The following SELENOT variants were observed in gnomAD, a reference collection of about 807,000 sequenced individuals.
SELENOT encodes selenoprotein T.
In SELENOT, 9 loss-of-function variants were observed where a neutral mutation model predicts 24.3. That is an observed-to-expected ratio of 0.37 (90% confidence interval 0.22 to 0.65). SELENOT has a LOEUF of 0.65. Among genes scored for constraint, SELENOT ranks in the 30% least tolerant of loss-of-function variants. The pLI, the probability that SELENOT is intolerant of heterozygous loss-of-function variation, is 0.60. For missense variants in SELENOT, 166 were observed against 247.6 expected (o/e 0.67, Z 2.21); for synonymous variants, 81 against 86.0 (o/e 0.94, Z 0.32).
At chr3:150,625,997 G>A (rs577469811) in intron 4 of SELENOT, among the ~76,000 whole-genome samples, 9 of 151,816 alleles carry the variant, frequency 5.9e-5, no homozygotes, top group East Asian at 3.9e-4. Context: ...AGCCTCCTGC[G>A]TAGCTGGGAC....
chr3:150,606,008 A>G (rs1725953890), intron 1 of SELENOT, among the ~76,000 whole-genome samples: 1 of 152,186 alleles, frequency 6.6e-6, no homozygotes, highest in African/African-American at 2.4e-5. Flanking sequence ...AAATAACTAT[A>G]CCTCAATATA....
intron 1 of SELENOT, chr3:150,611,630 C>T: frequency 6.4e-7 from 1 of 1,565,418 alleles, no homozygotes; most frequent in South Asian, 1.1e-5. Context: ...CGATCTTCAC[C>T]TTCTGGGATA....
intron 1 of SELENOT, among the ~76,000 whole-genome samples, chr3:150,613,486 T>C (rs76144213): frequency 0.058 from 8,820 of 152,128 alleles, 329 homozygotes; most frequent in Non-Finnish European, 0.082. Flanking sequence ...TGAAAAAAAA[T>C]ATGAGTGGAC....
chr3:150,613,296 C>T (rs1454730388), intron 1 of SELENOT, among the ~76,000 whole-genome samples: 2 of 151,956 alleles, frequency 1.3e-5, no homozygotes, highest in African/African-American at 4.8e-5. Flanking sequence ...CCCATTAGAC[C>T]CTGCCTCCCA....
At chr3:150,625,808 G>A (rs1003787699) in intron 4 of SELENOT, among the ~76,000 whole-genome samples, 10 of 150,982 alleles carry the variant, frequency 6.6e-5, no homozygotes, top group Non-Finnish European at 1.5e-4. Flanking sequence ...TCCATAAAGT[G>A]TAAAATATTT....
chr3:150,611,616 A>G, intron 1 of SELENOT: 3 of 1,519,820 alleles, frequency 2.0e-6, no homozygotes, highest in Non-Finnish European at 2.7e-6. Context: ...GCTCTTATCC[A>G]GCTCGATCTT....
At chr3:150,613,246 G>A (rs1726134629) in intron 1 of SELENOT, among the ~76,000 whole-genome samples, 2 of 152,200 alleles carry the variant, frequency 1.3e-5, no homozygotes, top group Admixed American at 6.5e-5. Context: ...GTCAAAGAGA[G>A]GGCAAGCGAA....
intron 1 of SELENOT, among the ~76,000 whole-genome samples, chr3:150,620,456 C>G (rs1726313526): frequency 6.6e-6 from 1 of 152,186 alleles, no homozygotes; most frequent in African/African-American, 2.4e-5. Flanking sequence ...GGTCCCATCC[C>G]TGGCACTCAG....
intron 4 of SELENOT, among the ~76,000 whole-genome samples, chr3:150,626,458 A>G (rs1182687361): frequency 2.6e-5 from 4 of 152,290 alleles, no homozygotes; most frequent in Middle Eastern, 6.8e-3. Context: ...GGCAGAGACT[A>G]TGTATCTTCC....
At chr3:150,617,418 TAGTG>T (rs1487331461) in intron 1 of SELENOT, among the ~76,000 whole-genome samples, 1 of 152,124 alleles carries the variant, frequency 6.6e-6, no homozygotes, top group African/African-American at 2.4e-5. Flanking sequence ...CTGGGCAACA[TAGTG>T]AGATCTCATC....
At chr3:150,619,953 G>T (rs909218002) in intron 1 of SELENOT, among the ~76,000 whole-genome samples, 1 of 152,208 alleles carries the variant, frequency 6.6e-6, no homozygotes, top group African/African-American at 2.4e-5. Flanking sequence ...AAAGTATGAT[G>T]TGGCTATCTT....
intron 1 of SELENOT, among the ~76,000 whole-genome samples, chr3:150,608,676 G>A (rs1207058804): frequency 6.6e-6 from 1 of 152,150 alleles, no homozygotes; most frequent in Admixed American, 6.5e-5. Context: ...AAATAAAGGA[G>A]TAGTAAGAAG....
At chr3:150,613,251 A>AG in intron 1 of SELENOT, among the ~76,000 whole-genome samples, 1 of 152,346 alleles carries the variant, frequency 6.6e-6, no homozygotes, top group East Asian at 1.9e-4. Context: ...AGAGAGGGCA[A>AG]GCGAAAGCAG....
At chr3:150,626,271 C>T (rs774686283) in intron 4 of SELENOT, among the ~76,000 whole-genome samples, 2 of 152,186 alleles carry the variant, frequency 1.3e-5, no homozygotes, top group Non-Finnish European at 2.9e-5. Context: ...AAGACCAGAA[C>T]ATTTAATCTG....
rs1374300136 is a variant in SELENOT, at chr3:150,603,611, A to G, written c.137+112A>G. 3.1e-6 allele frequency: 4 copies of G among 1,271,034 alleles called. No homozygotes were observed. In the African/African-American group the frequency reaches 4.6e-5, roughly 14 times the overall value. 78.7% of individuals were successfully genotyped at this position (1,271,034 alleles called of 1,614,324 possible). ...ATGGCCGCATCTTCGCTGGCCTCGT[A>G]GAACTGTGCCGGCGCCCTTCCACAG... On this transcript the variant is annotated intron_variant, in intron 1 of 5. Transcript: ENST00000471696.
Position 150,603,615 on chromosome 3 carries a change from C to T in SELENOT, c.137+116C>T, listed in dbSNP as rs1725895481. On this transcript the variant is annotated intron_variant, in intron 1 of 5. Coordinates refer to ENST00000471696, the MANE Select transcript of SELENOT (RefSeq NM_016275.5). The stretch of plus-strand genomic sequence containing the variant: ...CCGCATCTTCGCTGGCCTCGTAGAA[C>T]TGTGCCGGCGCCCTTCCACAGCCAG... 3.2e-6 allele frequency: 4 copies of T among 1,246,688 alleles called. No individual in the cohort carries two copies. The South Asian group carries it at 4.8e-5, about 15-fold the overall frequency. The allele number at this position is 1,246,688 out of a possible 1,614,324, so 77.2% of individuals were successfully genotyped here. A position where few individuals can be genotyped will look rare whatever the true frequency, so the allele number is the denominator to read the frequency against.
intron 1 of SELENOT, among the ~76,000 whole-genome samples, chr3:150,614,992 T>C (rs1726179060): frequency 6.8e-6 from 1 of 147,466 alleles, no homozygotes; most frequent in South Asian, 2.2e-4. Flanking sequence ...ATTAGGTATA[T>C]CTCCCAATGC....
chr3:150,606,292 A>C (rs1006906837), intron 1 of SELENOT, among the ~76,000 whole-genome samples: 1 of 151,770 alleles, frequency 6.6e-6, no homozygotes, highest in Non-Finnish European at 1.5e-5. Context: ...GCAGACGCGC[A>C]CCACCACGCC....
chr3:150,621,746 A>G (rs571068728), intron 1 of SELENOT, among the ~76,000 whole-genome samples: 61 of 151,054 alleles, frequency 4.0e-4, no homozygotes, highest in Non-Finnish European at 8.0e-4. Flanking sequence ...TATGTTCCCA[A>G]TCTTCGTTTT....
Sources: allele counts gnomAD v4.1 joint callset (sites outside exome capture counted in the v4.1 genomes callset), GRCh38; gene constraint gnomAD v4.1.1; transcripts MANE v1.5; gene names NCBI Gene and HGNC (gene_info 2026-07-23, HGNC 2026-07-21).